HPS3: variants seen among roughly 807,000 people sequenced by gnomAD.
HPS3 encodes HPS3 biogenesis of lysosomal organelles complex 2 subunit 1, also known as BLOC-2 complex member HPS3.
Under a neutral mutation model 110.9 loss-of-function variants are expected in HPS3, and 79 were observed. The ratio of observed to expected loss-of-function variants is 0.71; its 90% confidence interval spans 0.59 to 0.86. The LOEUF (loss-of-function observed/expected upper bound fraction) is 0.86. HPS3 is among the 40% of genes least tolerant of loss of function. The probability of loss-of-function intolerance (pLI) is 0.00; values close to 1 mark genes in which losing one functional copy is unlikely to be tolerated. For synonymous variants in HPS3, 428 were observed against 451.0 expected, an observed-to-expected ratio of 0.95 and a Z score of 0.65; for missense variants, 1,197 against 1,206.2, an observed-to-expected ratio of 0.99 and a Z score of 0.11.
intron 1 of HPS3, chr3:149,130,599 T>C (rs1399172300): frequency 6.6e-6 from 1 of 152,126 alleles, no homozygotes; most frequent in African/African-American, 2.4e-5. Context: ...GGTCAATTTA[T>C]TGAAACCCCG....
intron 11 of HPS3, among the ~76,000 whole-genome samples, chr3:149,161,244 T>A (rs1723790342): frequency 6.6e-6 from 1 of 152,210 alleles, no homozygotes; most frequent in Non-Finnish European, 1.5e-5. Context: ...GATATATTAG[T>A]CATCACTTGG....
rs66720211 is a variant in HPS3, at chr3:149,148,399, C to CTTTTTTT, written c.1164-2185_1164-2179dup. On this transcript the variant is annotated intron_variant, in intron 5 of 16. Transcript: ENST00000296051. ...TCTCCCAGAGTTAAGCATATCAAGA[C>CTTTTTTT]TTTTTTTTTTTTTTTTTTTTTGAGA... 1.1e-4 allele frequency among the ~76,000 whole-genome samples: 11 copies of CTTTTTTT among 100,354 alleles called. 1 individual carries two copies. Among genetic ancestry groups the CTTTTTTT allele is most frequent in the East Asian group, 2.7e-4 (1 of 3,760 alleles). 65.8% of individuals were successfully genotyped at this position (100,354 alleles called of 152,430 possible). A position where few individuals can be genotyped will look rare whatever the true frequency, so the allele number is the denominator to read the frequency against.
chr3:149,159,135 C>T (rs1576687905), intron 10 of HPS3, among the ~76,000 whole-genome samples: 3 of 152,182 alleles, frequency 2.0e-5, no homozygotes, highest in African/African-American at 4.8e-5. Context: ...TAGAGCTACA[C>T]AGAATGCGGG....
chr3:149,156,423 G>T (rs927291380), intron 8 of HPS3, among the ~76,000 whole-genome samples: 2 of 152,142 alleles, frequency 1.3e-5, no homozygotes, highest in African/African-American at 4.8e-5. Context: ...TCTAGGATCA[G>T]GTAGTGTGTT....
chr3:149,130,636 C>G (rs959223008), intron 1 of HPS3, among the ~76,000 whole-genome samples: 2 of 152,042 alleles, frequency 1.3e-5, no homozygotes, highest in Non-Finnish European at 2.9e-5. Flanking sequence ...AAAAATTAGC[C>G]GGACGTGGTG....
At chr3:149,161,626 C>T (rs1723864441) in intron 11 of HPS3, among the ~76,000 whole-genome samples, 1 of 151,318 alleles carries the variant, frequency 6.6e-6, no homozygotes, top group Admixed American at 6.6e-5. Context: ...TCTCCTGCCT[C>T]AGCCTCCCAA....
At chr3:149,157,206 T>C (rs1203938464) in intron 8 of HPS3, 144 bp from the exon 9 acceptor site, 1 of 747,524 alleles carries the variant, frequency 1.3e-6, no homozygotes, top group East Asian at 2.7e-5. Context: ...CTTGTCAGAA[T>C]GGTGAATAAC....
rs767942908 is a variant in HPS3 at position 149,150,742 on chromosome 3, G to A, written c.1245+62G>A. 123 of 1,293,530 alleles carry A rather than the reference G, an allele frequency of 9.5e-5. No homozygotes were observed. The Middle Eastern group carries it at 1.3e-3, about 13-fold the overall frequency. 80.1% of individuals were successfully genotyped at this position (1,293,530 alleles called of 1,614,324 possible). A position where few individuals can be genotyped will look rare whatever the true frequency, so the allele number is the denominator to read the frequency against. ...ATCACAAGGGAGCACATGAATACTC[G>A]TAGATTTGCTCTCAGACCTAAGCTA... On this transcript the variant is annotated intron_variant, in intron 6 of 16. Transcript: ENST00000296051.
rs771496472 is a variant in HPS3 at position 149,162,372 on chromosome 3, CAT to C, written c.2292+40_2292+41del. 5.1e-6 allele frequency: 8 copies of C among 1,577,610 alleles called. No homozygotes were observed. The Admixed American group carries it at 1.3e-4, about 26-fold the overall frequency. On this transcript the variant is annotated intron_variant, in intron 12 of 16. Coordinates refer to ENST00000296051, the MANE Select transcript of HPS3 (RefSeq NM_032383.5). Reference sequence around the variant, plus strand: ...AAAATGTGATTTTTCTGGATGGCCTCATTAAATTGGTGGTGGGGAGGGACAGA... The same window carrying C: ...AAAATGTGATTTTTCTGGATGGCCTCTAAATTGGTGGTGGGGAGGGACAGA...
Position 149,129,780 on chromosome 3 carries a change from G to T in HPS3, c.57G>T (p.Lys19Asn). The T allele has an allele frequency of 6.2e-7, 1 of 1,609,042 alleles. No individual in the cohort carries two copies. Residue 19 changes from lysine to asparagine, a missense_variant, in exon 1 of 17, where the codon AAG becomes AAT. By Grantham distance (94) the Lys-to-Asn change is moderately conservative (BLOSUM62 0). Coordinates refer to ENST00000296051, the MANE Select transcript of HPS3 (RefSeq NM_032383.5). The stretch of plus-strand genomic sequence containing the variant: ...GGTCGCAGCAGGTGGTGCCCTGCAA[G>T]CTGGAGCCGGACCGGTTCTGTGGCG... ...PFGSQQVVPC[K>N]LEPDRFCGGG...
At chr3:149,153,751 A>G in intron 7 of HPS3, 103 bp downstream of exon 7, 1 of 1,207,100 alleles carries the variant, frequency 8.3e-7, no homozygotes, top group African/African-American at 1.5e-5. Context: ...TGGAATGATC[A>G]AATGGCTTTT....
intron 6 of HPS3, among the ~76,000 whole-genome samples, chr3:149,151,587 TAAAAAAAAA>T (rs1167453087): frequency 8.2e-4 from 33 of 40,340 alleles, no homozygotes; most frequent in Non-Finnish European, 1.3e-3. Flanking sequence ...GCTTGGTTTC[TAAAAAAAAA>T]AAAAAAAAAA....
chr3:149,135,202 G>A (rs1722015681), intron 1 of HPS3, among the ~76,000 whole-genome samples: 1 of 152,164 alleles, frequency 6.6e-6, no homozygotes, highest in Admixed American at 6.5e-5. Context: ...TAAAATTTGG[G>A]GGTATTAGGG....
chr3:149,148,844 G>A (rs1358460528), intron 5 of HPS3, among the ~76,000 whole-genome samples: 2 of 151,820 alleles, frequency 1.3e-5, no homozygotes, highest in East Asian at 1.9e-4. Flanking sequence ...TTCAATGCCA[G>A]CACATTTCAG....
At chr3:149,154,281 AG>A (rs1723306146) in intron 7 of HPS3, 2 of 152,812 alleles carry the variant, frequency 1.3e-5, no homozygotes, top group Admixed American at 1.3e-4. Context: ...AATTTAATCA[AG>A]AAAGAAATCT....
intron 2 of HPS3, 98 bp downstream of exon 2, chr3:149,140,596 T>C: frequency 7.8e-7 from 1 of 1,290,092 alleles, no homozygotes. Context: ...TGCCCGGCCA[T>C]GTTATTTATA....
At position 149,140,512 on chromosome 3, in the gene HPS3, T is replaced by C; in HGVS notation, c.712+14T>C. ...GGACAGAAGAAGGTAAATAATGAAT[T>C]TGACTTGCTTTCTTGTTTTAGGAAT... is the stretch of plus-strand genomic sequence containing the variant. On this transcript the variant is annotated intron_variant, in intron 2 of 16. Coordinates refer to ENST00000296051, the MANE Select transcript of HPS3 (RefSeq NM_032383.5). 1.5e-5 allele frequency: 25 copies of C among 1,613,974 alleles called. No individual in the cohort carries two copies. The highest frequency in any genetic ancestry group is 2.1e-5 in the Non-Finnish European group (25 of 1,179,904).
chr3:149,147,230 A>G (rs1396973183), intron 5 of HPS3, among the ~76,000 whole-genome samples: 4 of 152,188 alleles, frequency 2.6e-5, no homozygotes, highest in Admixed American at 2.0e-4. Flanking sequence ...TGAGTTTGAG[A>G]TGCTTATAGA....
chr3:149,149,392 G>T (rs994268214), intron 5 of HPS3, among the ~76,000 whole-genome samples: 2 of 152,016 alleles, frequency 1.3e-5, no homozygotes, highest in Non-Finnish European at 2.9e-5. Context: ...ACTTCCCAAG[G>T]TTGCTAACTC....
Sources: gnomAD v4.1 joint callset for allele counts (sites outside exome capture counted in the v4.1 genomes callset) on GRCh38, gnomAD v4.1.1 for gene constraint, MANE v1.5 for transcripts, NCBI Gene and HGNC (gene_info 2026-07-23, HGNC 2026-07-21) for gene names.